Variants in ERI1 observed in about 807,000 individuals in gnomAD.
The protein encoded by ERI1 is exoribonuclease 1, also known as 3'-5' exoribonuclease 1.
ERI1 carries 39 observed loss-of-function variants against 39.7 expected under a neutral mutation model. That is an observed-to-expected ratio of 0.98 (90% CI 0.76 to 1.28). ERI1 has a LOEUF of 1.28. Ranked by LOEUF, ERI1 falls within the 50% of genes most tolerant of loss-of-function variation. The pLI is 0.00. For synonymous variants in ERI1, 204 were observed against 149.6 expected, an observed-to-expected ratio of 1.36 and a Z score of -2.65; for missense variants, 581 against 416.9, an observed-to-expected ratio of 1.39 and a Z score of -3.43.
Position 9,042,139 on chromosome 8 carries a change from A to C in ERI1, n.299+21675A>C, listed in dbSNP as rs112884383. On this transcript the variant is annotated intron_variant and non_coding_transcript_variant, in intron 3 of 3. Coordinates refer to the ERI1 transcript ENST00000518663. ...AAGAAATTAGATGTAGTAGAATAAGATAAGCATTAGGAATTCCTCAAGGCC... is the reference window on the plus strand; with the variant it reads ...AAGAAATTAGATGTAGTAGAATAAGCTAAGCATTAGGAATTCCTCAAGGCC... Among the ~76,000 whole-genome samples the C allele has an allele frequency of 7.9e-3, 1,198 of 152,322 alleles. 31 individuals are homozygous for C. The South Asian group carries it at 0.094, about 12-fold the overall frequency.
intron 3 of ERI1, among the ~76,000 whole-genome samples, chr8:9,040,574 C>A (rs1474529534): frequency 6.6e-6 from 1 of 152,098 alleles, no homozygotes; most frequent in African/African-American, 2.4e-5. Context: ...TTAGGTCATC[C>A]TGTAAAATTA....
At chr8:9,025,875 A>C (rs1349337458) in intron 6 of ERI1, among the ~76,000 whole-genome samples, 1 of 152,160 alleles carries the variant, frequency 6.6e-6, no homozygotes, top group Admixed American at 6.5e-5. Flanking sequence ...AACTCTAAAT[A>C]TGAAATTCAT....
chr8:9,061,024 G>A (rs1005501778), intron 3 of ERI1, among the ~76,000 whole-genome samples: 5 of 152,208 alleles, frequency 3.3e-5, no homozygotes, highest in African/African-American at 1.2e-4. Flanking sequence ...ATATTGACGC[G>A]TAGTCCTTTT....
chr8:9,028,528 A>C (rs1797348316), intron 6 of ERI1, among the ~76,000 whole-genome samples: 1 of 152,250 alleles, frequency 6.6e-6, no homozygotes, highest in Admixed American at 6.5e-5. Context: ...ACGGATGAAG[A>C]AGCTGAGGTC....
rs1240994625 is a variant in ERI1 at position 9,056,968 on chromosome 8, G to C, written n.299+36504G>C. 2.6e-5 allele frequency among the ~76,000 whole-genome samples: 4 copies of C among 151,982 alleles called. No individual in the cohort carries two copies. In the East Asian group the frequency reaches 5.8e-4, roughly 22 times the overall value. On this transcript the variant is annotated intron_variant and non_coding_transcript_variant, in intron 3 of 3. Coordinates refer to the ERI1 transcript ENST00000518663. ...TCTACCTCAGCCTCCCGAGTAGCTG[G>C]AACTACAGGCAGCACCACCATACCT...
chr8:9,025,889 T>C (rs943688131), intron 6 of ERI1, among the ~76,000 whole-genome samples: 7 of 152,200 alleles, frequency 4.6e-5, no homozygotes, highest in Non-Finnish European at 8.8e-5. Context: ...AATTCATTTT[T>C]GTTTCATATA....
At chr8:9,054,550 G>C (rs191179259) in intron 3 of ERI1, among the ~76,000 whole-genome samples, 9 of 152,210 alleles carry the variant, frequency 5.9e-5, no homozygotes, top group South Asian at 4.1e-4. Flanking sequence ...GGCACAGGAG[G>C]CTTCAGGATA....
At position 9,042,411 on chromosome 8, in the gene ERI1, A is replaced by G. The variant is rs116594083; in HGVS notation, n.299+21947A>G. 2.1e-3 allele frequency among the ~76,000 whole-genome samples: 320 copies of G among 152,326 alleles called. 2 individuals are homozygous for G. Among genetic ancestry groups the G allele is most frequent in the African/African-American group, 7.3e-3 (302 of 41,576 alleles). On this transcript the variant is annotated intron_variant and non_coding_transcript_variant, in intron 3 of 3. Transcript: ENST00000518663. ...GTCACCAGCGTTTTAAATTTTATAC[A>G]TTAAGAAACAAACAGATGCTTATTT... is the stretch of plus-strand genomic sequence containing the variant.
At chr8:9,011,308 A>G (rs556986959) in intron 2 of ERI1, among the ~76,000 whole-genome samples, 44 of 152,214 alleles carry the variant, frequency 2.9e-4, no homozygotes, top group Non-Finnish European at 5.3e-4. Context: ...GTTATATACT[A>G]CTAAAATAAA....
chr8:9,074,594 AT>A (rs1799150522), intron 3 of ERI1, among the ~76,000 whole-genome samples: 1 of 151,846 alleles, frequency 6.6e-6, no homozygotes, highest in African/African-American at 2.4e-5. Context: ...GGTATATACT[AT>A]TATGCCCAGC....
chr8:9,094,517 T>C (rs1799813279), intron 3 of ERI1, among the ~76,000 whole-genome samples: 1 of 152,178 alleles, frequency 6.6e-6, no homozygotes, highest in African/African-American at 2.4e-5. Context: ...GGTAGAGAGA[T>C]TGGCTCTGTT....
At chr8:9,060,791 C>T (rs1391452816) in intron 3 of ERI1, among the ~76,000 whole-genome samples, 1 of 152,186 alleles carries the variant, frequency 6.6e-6, no homozygotes, top group African/African-American at 2.4e-5. Context: ...GTCTAGCCAC[C>T]TTATCAGCAT....
Position 9,011,769 on chromosome 8 carries a change from A to G in ERI1, c.498+17A>G, listed in dbSNP as rs1051132832. On this transcript the variant is annotated intron_variant, in intron 3 of 6. Coordinates refer to ENST00000250263, the MANE Select transcript of ERI1 (RefSeq NM_153332.4). ...TTAGAAATAGTAAGTGAATTTTTGT[A>G]TTTTAATTGTATTTCTAGCAGCAAC... 4.5e-6 allele frequency: 7 copies of G among 1,551,082 alleles called. No homozygotes were observed. The highest frequency in any genetic ancestry group is 3.5e-5 in the Admixed American group (2 of 57,250).
chr8:9,007,491 C>T (rs1816145702), intron 1 of ERI1, among the ~76,000 whole-genome samples: 1 of 152,154 alleles, frequency 6.6e-6, no homozygotes, highest in Admixed American at 6.5e-5. Context: ...TTAATAGTTA[C>T]CATTTATTAA....
intron 3 of ERI1, among the ~76,000 whole-genome samples, chr8:9,084,974 C>T (rs1370656595): frequency 1.3e-5 from 2 of 152,082 alleles, no homozygotes; most frequent in Non-Finnish European, 2.9e-5. Flanking sequence ...ATGTAATCCC[C>T]CCTGCATCCC....
intron 3 of ERI1, among the ~76,000 whole-genome samples, chr8:9,078,671 A>G (rs1799282259): frequency 6.6e-6 from 1 of 152,210 alleles, no homozygotes; most frequent in Non-Finnish European, 1.5e-5. Context: ...ATCTGTGCAT[A>G]TAAATGCATA....
At chr8:9,008,538 C>T (rs938069945) in intron 2 of ERI1, among the ~76,000 whole-genome samples, 2 of 152,048 alleles carry the variant, frequency 1.3e-5, no homozygotes, top group African/African-American at 4.8e-5. Flanking sequence ...AAATCAGGTA[C>T]AATAAATTAA....
intron 3 of ERI1, among the ~76,000 whole-genome samples, chr8:9,097,696 C>G (rs979802257): frequency 2.7e-5 from 4 of 147,822 alleles, no homozygotes; most frequent in African/African-American, 7.5e-5. Flanking sequence ...AGTAATTTAT[C>G]ATTTAGTAGG....
rs1483363968 is a variant in ERI1 at position 9,094,392 on chromosome 8, C to A, written n.300-21956C>A. Among the ~76,000 whole-genome samples, 6 of 152,174 alleles carry A rather than the reference C, an allele frequency of 3.9e-5. No homozygotes were observed. In the South Asian group the frequency reaches 1.0e-3, roughly 26 times the overall value. On this transcript the variant is annotated intron_variant and non_coding_transcript_variant, in intron 3 of 3. Transcript: ENST00000518663. ...TAAGCATTGATATTTGCCTCGCAAT[C>A]CCTCTCTCTGCAATTGCTGCAAGGG...
Sources: gnomAD v4.1 joint callset for allele counts (sites outside exome capture counted in the v4.1 genomes callset) on GRCh38, gnomAD v4.1.1 for gene constraint, MANE v1.5 for transcripts, NCBI Gene and HGNC (gene_info 2026-07-23, HGNC 2026-07-21) for gene names.